CAMK2D: variants seen among roughly 807,000 people sequenced by gnomAD.
CAMK2D encodes calcium/calmodulin dependent protein kinase II delta.
Under a neutral mutation model 84.0 loss-of-function variants are expected in CAMK2D, and 37 were observed. The ratio of observed to expected loss-of-function variants is 0.44; its 90% CI spans 0.34 to 0.58. The LOEUF is 0.58. Among genes scored for constraint, CAMK2D ranks in the 20% least tolerant of loss-of-function variants. The pLI is 0.02. For missense variants in CAMK2D, 448 were observed against 652.5 expected, an observed-to-expected ratio of 0.69 and a Z score of 3.41; for synonymous variants, 202 against 212.5, an observed-to-expected ratio of 0.95 and a Z score of 0.43.
At chr4:113,567,783 T>C (rs554209669) in intron 4 of CAMK2D, among the ~76,000 whole-genome samples, 20 of 152,290 alleles carry the variant, frequency 1.3e-4, no homozygotes, top group South Asian at 1.0e-3. Flanking sequence ...AAGTATCTAA[T>C]AGTATTGATG....
chr4:113,699,776 G>A (rs557656496), intron 2 of CAMK2D, among the ~76,000 whole-genome samples: 3 of 152,256 alleles, frequency 2.0e-5, no homozygotes, highest in South Asian at 2.1e-4. Context: ...CATTCATTAT[G>A]ATATAAACAT....
intron 2 of CAMK2D, among the ~76,000 whole-genome samples, chr4:113,724,554 C>G (rs1593611719): frequency 6.6e-6 from 1 of 151,510 alleles, no homozygotes; most frequent in Admixed American, 6.6e-5. Context: ...GCATAAAGCA[C>G]CAATAAAGTA....
chr4:113,537,406 G>T lies in CAMK2D; in HGVS notation c.452C>A (p.Ala151Glu). ...GCCAAAGTCTGCCAATTTCACAGCT[G>T]CTCCCTTGGATTTGCTAGCTAAAAG... ...NLLLASKSKG[A>E]AVKLADFGLA... Residue 151 changes from alanine (A) to glutamate (E), a missense_variant, in exon 7 of 21, where the codon GCA becomes GAA. By Grantham distance (107) the Ala-to-Glu change is moderately radical. This residue lies in a region of CAMK2D where 60 missense variants were observed against 70.0 expected (regional missense o/e 0.86). Transcript: ENST00000511664. The T allele has an allele frequency of 1.2e-6, 2 of 1,612,500 alleles. No homozygotes were observed. The highest frequency in any genetic ancestry group is 1.7e-6 in the Non-Finnish European group (2 of 1,178,790).
chr4:113,502,812 G>T, intron 15 of CAMK2D, 124 bp downstream of exon 15: 1 of 701,090 alleles, frequency 1.4e-6, no homozygotes. Flanking sequence ...GGCCCAAAAG[G>T]AAGTGTGGTA....
intron 3 of CAMK2D, among the ~76,000 whole-genome samples, chr4:113,659,285 T>G (rs1428563133): frequency 1.3e-5 from 2 of 152,244 alleles, no homozygotes; most frequent in Non-Finnish European, 2.9e-5. Context: ...GATTTGATTT[T>G]ATCTTAAACC....
intron 3 of CAMK2D, among the ~76,000 whole-genome samples, chr4:113,619,514 T>G (rs1294221142): frequency 1.3e-5 from 2 of 152,154 alleles, no homozygotes; most frequent in Non-Finnish European, 2.9e-5. Flanking sequence ...CCTCTCCTAC[T>G]ACTCATCCCT....
At chr4:113,749,600 T>G (rs886849297) in intron 2 of CAMK2D, among the ~76,000 whole-genome samples, 3 of 152,202 alleles carry the variant, frequency 2.0e-5, no homozygotes, top group Non-Finnish European at 4.4e-5. Context: ...GATCAAAATT[T>G]TTTTAAACTC....
intron 15 of CAMK2D, 78 bp downstream of exon 15, chr4:113,502,858 A>G: frequency 2.0e-6 from 2 of 1,011,302 alleles, no homozygotes; most frequent in Non-Finnish European, 3.1e-6. Flanking sequence ...ATTTTTAGAT[A>G]ACGAATTAAT....
At chr4:113,607,763 C>T (rs2098984276) in intron 4 of CAMK2D, among the ~76,000 whole-genome samples, 1 of 152,196 alleles carries the variant, frequency 6.6e-6, no homozygotes, top group Non-Finnish European at 1.5e-5. Flanking sequence ...AAAAGCGTTA[C>T]TGCTCACACA....
rs1013340904 is a variant in CAMK2D, at chr4:113,761,260, G to C, written c.-192C>G. The C allele has an allele frequency of 2.1e-5, 31 of 1,456,180 alleles. No individual in the cohort carries two copies. The highest frequency in any genetic ancestry group is 4.2e-5 in the South Asian group (3 of 71,580). 90.2% of individuals were successfully genotyped at this position (1,456,180 alleles called of 1,614,324 possible). On this transcript the variant is annotated 5_prime_UTR_variant, in exon 1 of 21. Transcript: ENST00000511664. ...AGGGGAGATGACCAGAAAGGGTGGC[G>C]TGGGGTCTCCTCCCCACAGTCCGCC... is the stretch of plus-strand genomic sequence containing the variant.
chr4:113,542,498 G>A (rs1273298419), intron 6 of CAMK2D, among the ~76,000 whole-genome samples: 2 of 150,676 alleles, frequency 1.3e-5, no homozygotes, highest in African/African-American at 4.9e-5. Context: ...GGCGGATCAC[G>A]AGGTCAGGAG....
chr4:113,607,255 T>C lies in CAMK2D; in HGVS notation c.275+1897A>G, dbSNP rs6835180. On this transcript the variant is annotated intron_variant, in intron 4 of 20. Transcript: ENST00000511664. ...AAGAGGAAGCACTACTAGAACAACATAGAGCCAGATGAAACTACGGCCACA... is the reference window on the plus strand; with the variant it reads ...AAGAGGAAGCACTACTAGAACAACACAGAGCCAGATGAAACTACGGCCACA... Among the ~76,000 whole-genome samples the C allele has an allele frequency of 1.4e-3, 212 of 152,050 alleles. 1 individual carries two copies. The highest frequency in any genetic ancestry group is 4.9e-3 in the African/African-American group (202 of 41,486).
chr4:113,657,925 G>T (rs1010491848), intron 3 of CAMK2D, among the ~76,000 whole-genome samples: 29 of 152,248 alleles, frequency 1.9e-4, no homozygotes, highest in African/African-American at 7.0e-4. Flanking sequence ...AGGGAGAAGA[G>T]GATAAGAGTC....
At chr4:113,503,051 C>T in intron 14 of CAMK2D, 74 bp from the exon 15 acceptor site, 1 of 1,007,078 alleles carries the variant, frequency 9.9e-7, no homozygotes, top group Admixed American at 1.7e-5. Flanking sequence ...AAGGACAGAG[C>T]AGAGTGAGCC....
chr4:113,548,910 A>G (rs2098603330), intron 5 of CAMK2D, among the ~76,000 whole-genome samples: 1 of 152,216 alleles, frequency 6.6e-6, no homozygotes, highest in East Asian at 1.9e-4. Flanking sequence ...TTTGGTTCTA[A>G]CAAAAATGAC....
In CAMK2D at chr4:113,749,838, A is replaced by G. The variant is rs2099613244; in HGVS notation, c.160+9482T>C. Among the ~76,000 whole-genome samples, 2 of 152,364 alleles carry G rather than the reference A, an allele frequency of 1.3e-5. 1 individual carries two copies. The highest frequency in any genetic ancestry group is 4.1e-4 in the South Asian group (2 of 4,828). On this transcript the variant is annotated intron_variant, in intron 2 of 20. Transcript: ENST00000511664. ...AGAATTTGTCATGACAAAACTTATG[A>G]AATAATTTGTGAATTACAAATTAAT...
Position 113,665,567 on chromosome 4 carries a change from T to C in CAMK2D, c.161-3795A>G, listed in dbSNP as rs1034365246. ...TACAGTGGCAAGCAGTAAAGACAGA[T>C]TATAAAAGGCAAGACAGCCATAATA... On this transcript the variant is annotated intron_variant, in intron 2 of 20. Transcript: ENST00000511664. Among the ~76,000 whole-genome samples the C allele has an allele frequency of 2.0e-5, 3 of 152,228 alleles. No homozygotes were observed. In the East Asian group the frequency reaches 5.8e-4, roughly 29 times the overall value.
At chr4:113,702,173 C>T (rs1031733429) in intron 2 of CAMK2D, among the ~76,000 whole-genome samples, 2 of 152,134 alleles carry the variant, frequency 1.3e-5, no homozygotes, top group African/African-American at 4.8e-5. Flanking sequence ...CATTATGTAA[C>T]ATTACTAAGA....
At chr4:113,470,129 C>T (rs774340550) in intron 16 of CAMK2D, among the ~76,000 whole-genome samples, 65 of 151,958 alleles carry the variant, frequency 4.3e-4, no homozygotes, top group Non-Finnish European at 8.2e-4. Context: ...CAAAACCTTG[C>T]GTAATCTGGA....
Sources: gnomAD v4.1 joint callset for allele counts (sites outside exome capture counted in the v4.1 genomes callset) on GRCh38, gnomAD v4.1.1 for gene constraint, gnomAD v4.1.1 regional missense constraint, MANE v1.5 for transcripts, NCBI Gene and HGNC (gene_info 2026-07-23, HGNC 2026-07-21) for gene names.